RIMBP2: variants seen among roughly 807,000 people sequenced by gnomAD.
RIMBP2 encodes RIMS-binding protein 2.
A neutral mutation model predicts 118.6 loss-of-function variants in RIMBP2; 48 were observed. The ratio of observed to expected loss-of-function variants is 0.40; its 90% CI spans 0.32 to 0.51. The LOEUF (loss-of-function observed/expected upper bound fraction) is 0.51. Among genes scored for constraint, RIMBP2 ranks in the 20% least tolerant of loss-of-function variants. RIMBP2 has a pLI of 0.41. For missense variants in RIMBP2, 1,551 were observed against 1,768.3 expected (o/e 0.88, Z 2.20); for synonymous variants, 762 against 742.9 (o/e 1.03, Z -0.42).
At chr12:130,427,800 T>G (rs2076890155) in intron 15 of RIMBP2, 1 of 163,076 alleles carries the variant, frequency 6.1e-6, no homozygotes, top group South Asian at 1.9e-4. Flanking sequence ...CGTCCTGGCC[T>G]CCGCTTTACA....
chr12:130,603,082 T>C (rs968155617), intron 2 of RIMBP2, among the ~76,000 whole-genome samples: 4 of 152,016 alleles, frequency 2.6e-5, no homozygotes, highest in African/African-American at 9.7e-5. Flanking sequence ...CAAGAAACAG[T>C]ACTAATAAAA....
chr12:130,646,420 C>T (rs1379048300), intron 1 of RIMBP2, among the ~76,000 whole-genome samples: 1 of 118,418 alleles, frequency 8.4e-6, no homozygotes. Flanking sequence ...CCTCCCTCAC[C>T]ACTTCCCTCT....
rs1593650988 is a variant in RIMBP2, at chr12:130,525,864, C to T, written c.-216-7947G>A. ...CCATGTGGCAGACATTCTTGCTATCCTGCTTGTCAAGGGAAGAAATTCAAG... is the reference window on the plus strand; with the variant it reads ...CCATGTGGCAGACATTCTTGCTATCTTGCTTGTCAAGGGAAGAAATTCAAG... On this transcript the variant is annotated intron_variant, in intron 2 of 22. Coordinates refer to ENST00000690449, the MANE Select transcript of RIMBP2 (RefSeq NM_001393629.1). The surrounding 1 kb of genome is among the most constrained non-coding windows in gnomAD (Gnocchi z 4.4). 2.6e-5 allele frequency among the ~76,000 whole-genome samples: 4 copies of T among 152,224 alleles called. No homozygotes were observed. The South Asian group carries it at 8.3e-4, about 32-fold the overall frequency.
chr12:130,568,826 T>G (rs1055177840), intron 2 of RIMBP2, among the ~76,000 whole-genome samples: 1 of 152,170 alleles, frequency 6.6e-6, no homozygotes, highest in Non-Finnish European at 1.5e-5. Context: ...ATTATTTGAG[T>G]GCCAAGAGGG....
chr12:130,563,570 A>G (rs1010810142), intron 2 of RIMBP2, among the ~76,000 whole-genome samples: 2 of 152,230 alleles, frequency 1.3e-5, no homozygotes, highest in Non-Finnish European at 2.9e-5. Context: ...GGGAGCTTTC[A>G]TTTCTAATGC....
intron 4 of RIMBP2, among the ~76,000 whole-genome samples, chr12:130,488,945 G>A (rs1343631403): frequency 1.3e-5 from 2 of 149,148 alleles, no homozygotes; most frequent in African/African-American, 5.0e-5. Flanking sequence ...TGCATGTATA[G>A]ACACTGGTGG....
Position 130,490,901 on chromosome 12 carries a change from G to GA in RIMBP2, c.-3-11886_-3-11885insT, listed in dbSNP as rs2048580067. Among the ~76,000 whole-genome samples, 3 of 152,326 alleles carry GA rather than the reference G, an allele frequency of 2.0e-5. No individual in the cohort carries two copies. In the South Asian group the frequency reaches 6.2e-4, roughly 32 times the overall value. On this transcript the variant is annotated intron_variant, in intron 4 of 22. Coordinates refer to ENST00000690449, the MANE Select transcript of RIMBP2 (RefSeq NM_001393629.1). ...GAGGGAGATGTGGTCAGAGTTCAGTGGGAGGGTGGGGAGCGAAGTGGGAAG... is the reference window on the plus strand; with the variant it reads ...GAGGGAGATGTGGTCAGAGTTCAGTGAGGAGGGTGGGGAGCGAAGTGGGAAG...
At chr12:130,417,868 A>AG (rs397726525) in intron 17 of RIMBP2, among the ~76,000 whole-genome samples, 1 of 146,306 alleles carries the variant, frequency 6.8e-6, no homozygotes, top group African/African-American at 2.4e-5. Context: ...AGAGAATGGG[A>AG]GGGGAGAGGG....
At chr12:130,556,694 G>C (rs931237195) in intron 2 of RIMBP2, among the ~76,000 whole-genome samples, 1 of 152,126 alleles carries the variant, frequency 6.6e-6, no homozygotes, top group Admixed American at 6.5e-5. Flanking sequence ...CCACCTTCTC[G>C]CCTGCTACCC....
At chr12:130,673,114 C>A (rs1310093921) in intron 1 of RIMBP2, among the ~76,000 whole-genome samples, 1 of 152,246 alleles carries the variant, frequency 6.6e-6, no homozygotes, top group Admixed American at 6.5e-5. Flanking sequence ...CTGCTCCCGC[C>A]CTTCCTGAAG....
chr12:130,701,112 G>A (rs1230938748), intron 1 of RIMBP2, among the ~76,000 whole-genome samples: 1 of 152,226 alleles, frequency 6.6e-6, no homozygotes, highest in Non-Finnish European at 1.5e-5. Context: ...GATTTCGAAG[G>A]ATGGGCAGGA....
chr12:130,479,071 G>T (rs1445570266), intron 4 of RIMBP2, 55 bp from the exon 5 acceptor site: 1 of 1,440,674 alleles, frequency 6.9e-7, no homozygotes. Context: ...CCATGGGCGT[G>T]CATCCTATAC....
chr12:130,496,180 T>C (rs753746388), intron 4 of RIMBP2, among the ~76,000 whole-genome samples: 2 of 152,112 alleles, frequency 1.3e-5, no homozygotes, highest in African/African-American at 2.4e-5. Flanking sequence ...TGGGAGATAA[T>C]TGGATCATGG....
In RIMBP2 at chr12:130,596,400, C is replaced by T. The variant is rs145084247; in HGVS notation, c.-217+31922G>A. On this transcript the variant is annotated intron_variant, in intron 2 of 22. Transcript: ENST00000690449. ...CACCCCCACCTTCCCATTTCACAGG[C>T]GTTGAAACCAGGCTCAGACAACCTT... 7.6e-3 allele frequency among the ~76,000 whole-genome samples: 1,157 copies of T among 152,040 alleles called. 6 individuals carry two copies. Among genetic ancestry groups the T allele is most frequent in the Admixed American group, 0.024 (361 of 15,256 alleles).
intron 1 of RIMBP2, among the ~76,000 whole-genome samples, chr12:130,715,358 C>T (rs111807858): frequency 5.1e-4 from 77 of 152,296 alleles, no homozygotes; most frequent in African/African-American, 1.7e-3. Flanking sequence ...TCCCTCCCTC[C>T]GGCCAGCCGC....
In RIMBP2 at chr12:130,441,998, C is replaced by A. The variant is rs540874969; in HGVS notation, c.1354G>T (p.Ala452Ser). The stretch of plus-strand genomic sequence containing the variant: ...TTGAAGAACTGGTACTTGTACCTGG[C>A]GGCCTTGACGATGTCGAACTCCTCC... ...NEEEFDIVKA[A>S]RYKYQFFNLR... Residue 452 changes from alanine to serine, a missense_variant, in exon 11 of 23, where the codon GCC becomes TCC. This residue lies in a region of RIMBP2 where 265 missense variants were observed against 349.5 expected (regional missense o/e 0.76). Coordinates refer to ENST00000690449, the MANE Select transcript of RIMBP2 (RefSeq NM_001393629.1). 5.0e-6 allele frequency: 8 copies of A among 1,614,026 alleles called. No homozygotes were observed. Among genetic ancestry groups the A allele is most frequent in the African/African-American group, 2.7e-5 (2 of 74,938 alleles).
chr12:130,455,953 C>T (rs2079400490), intron 7 of RIMBP2, among the ~76,000 whole-genome samples: 2 of 152,174 alleles, frequency 1.3e-5, no homozygotes, highest in African/African-American at 4.8e-5. Context: ...TTCTCCCCAC[C>T]CGGCCTCTAA....
intron 2 of RIMBP2, among the ~76,000 whole-genome samples, chr12:130,572,794 G>A (rs1046242025): frequency 6.6e-6 from 1 of 152,098 alleles, no homozygotes; most frequent in Non-Finnish European, 1.5e-5. Flanking sequence ...GTGTGCAGCA[G>A]GACGACCTGT....
chr12:130,583,663 T>C (rs1469662091), intron 2 of RIMBP2, among the ~76,000 whole-genome samples: 1 of 147,022 alleles, frequency 6.8e-6, no homozygotes, highest in East Asian at 2.1e-4. Flanking sequence ...CACCAACACA[T>C]CATCACTATC....
Sources: gnomAD v4.1 joint callset for allele counts (sites outside exome capture counted in the v4.1 genomes callset) on GRCh38, gnomAD v4.1.1 for gene constraint, gnomAD v4.1.1 regional missense constraint, Gnocchi (gnomAD v3.1) non-coding constraint, MANE v1.5 for transcripts, NCBI Gene and HGNC (gene_info 2026-07-23, HGNC 2026-07-21) for gene names.